The following ADAMTS2 variants were observed in gnomAD, a reference collection of about 807,000 sequenced individuals.
The protein encoded by ADAMTS2 is A disintegrin and metalloproteinase with thrombospondin motifs 2.
A neutral mutation model predicts 123.0 loss-of-function variants in ADAMTS2; 50 were observed. The observed-to-expected ratio is 0.41, with a 90% CI of 0.32 to 0.51. The LOEUF is 0.51. ADAMTS2 is among the 20% of genes least tolerant of loss of function. ADAMTS2 has a pLI of 0.35. For synonymous variants in ADAMTS2, 678 were observed against 695.4 expected, an observed-to-expected ratio of 0.98 and a Z score of 0.39; for missense variants, 1,494 against 1,705.2, an observed-to-expected ratio of 0.88 and a Z score of 2.18.
intron 4 of ADAMTS2, among the ~76,000 whole-genome samples, chr5:179,192,771 C>T (rs1361245766): frequency 2.6e-5 from 4 of 152,230 alleles, no homozygotes; most frequent in Non-Finnish European, 5.9e-5. Context: ...GCACCCTATG[C>T]TGCCTCGGGT....
At chr5:179,184,921 A>G (rs1448366289) in intron 4 of ADAMTS2, among the ~76,000 whole-genome samples, 1 of 152,210 alleles carries the variant, frequency 6.6e-6, no homozygotes, top group Non-Finnish European at 1.5e-5. Context: ...CAGAGGATAT[A>G]TTAGTGGGAA....
intron 2 of ADAMTS2, among the ~76,000 whole-genome samples, chr5:179,329,264 T>C (rs1053834993): frequency 1.3e-5 from 2 of 151,246 alleles, no homozygotes; most frequent in Non-Finnish European, 2.9e-5. Flanking sequence ...GAGGCAGAGC[T>C]TGCAGTGAGC....
chr5:179,311,349 G>A lies in ADAMTS2; in HGVS notation c.534+32418C>T, dbSNP rs12332324. Among the ~76,000 whole-genome samples the A allele has an allele frequency of 9.0e-3, 1,369 of 152,286 alleles. 27 individuals are homozygous for A. The highest frequency in any genetic ancestry group is 0.031 in the African/African-American group (1,303 of 41,554). Reference sequence around the variant, plus strand: ...TCTCTCTAGCCCATGGGCAGGCGCCGCCTGGCTCAGAGGCACAGCAATGGG... The same window carrying A: ...TCTCTCTAGCCCATGGGCAGGCGCCACCTGGCTCAGAGGCACAGCAATGGG... On this transcript the variant is annotated intron_variant, in intron 2 of 21. Transcript: ENST00000251582.
chr5:179,315,344 C>T (rs890734588), intron 2 of ADAMTS2, among the ~76,000 whole-genome samples: 5 of 48,604 alleles, frequency 1.0e-4, no homozygotes, highest in Admixed American at 3.0e-4. Flanking sequence ...AAGGTCATGT[C>T]GGGATCCCAG....
intron 3 of ADAMTS2, among the ~76,000 whole-genome samples, chr5:179,223,493 C>T (rs1277374308): frequency 6.6e-6 from 1 of 151,354 alleles, no homozygotes; most frequent in Non-Finnish European, 1.5e-5. Flanking sequence ...TGGACTCACA[C>T]TCACATGCAC....
rs17079197 is a variant in ADAMTS2 at position 179,197,960 on chromosome 5, C to T, written c.891+9553G>A. On this transcript the variant is annotated intron_variant, in intron 4 of 21. Coordinates refer to ENST00000251582, the MANE Select transcript of ADAMTS2 (RefSeq NM_014244.5). The surrounding 1 kb of genome is among the most constrained non-coding windows in gnomAD (Gnocchi z 4.2). ...ACAGCATCTGGTTTGTGAGCAGAGA[C>T]TAGCCCAGGCGCTGGCAGAGCAAGT... 0.015 allele frequency among the ~76,000 whole-genome samples: 2,216 copies of T among 152,330 alleles called. 35 individuals are homozygous for T. Among genetic ancestry groups the T allele is most frequent in the Middle Eastern group, 0.048 (14 of 294 alleles).
chr5:179,323,255 C>T (rs420843), intron 2 of ADAMTS2, among the ~76,000 whole-genome samples: 28,703 of 152,186 alleles, frequency 0.19, 2,844 homozygotes, highest in Middle Eastern at 0.25. Flanking sequence ...TAAATAGCTG[C>T]GAAGGGAAAT....
At chr5:179,134,508 C>T (rs1481732302) in intron 13 of ADAMTS2, among the ~76,000 whole-genome samples, 4 of 152,222 alleles carry the variant, frequency 2.6e-5, no homozygotes, top group African/African-American at 9.6e-5. Flanking sequence ...CTTCCACTGC[C>T]CTGCCTTCCT....
At position 179,189,878 on chromosome 5, in the gene ADAMTS2, T is replaced by C. The variant is rs1764265590; in HGVS notation, c.892-8723A>G. 6.6e-6 allele frequency among the ~76,000 whole-genome samples: 1 copy of C among 150,594 alleles called. No individual in the cohort carries two copies. The highest frequency in any genetic ancestry group is 6.6e-5 in the Admixed American group (1 of 15,108). ...GGTGGGGAGGGTGTATCATACAAAGTAGATTCACAAGGGCGGGTCCGGCGG... is the reference window on the plus strand; with the variant it reads ...GGTGGGGAGGGTGTATCATACAAAGCAGATTCACAAGGGCGGGTCCGGCGG... On this transcript the variant is annotated intron_variant, in intron 4 of 21. Coordinates refer to ENST00000251582, the MANE Select transcript of ADAMTS2 (RefSeq NM_014244.5). The surrounding 1 kb of genome is among the most constrained non-coding windows in gnomAD (Gnocchi z 4.2).
chr5:179,290,925 A>G (rs1259998635), intron 2 of ADAMTS2, among the ~76,000 whole-genome samples: 1 of 152,202 alleles, frequency 6.6e-6, no homozygotes, highest in Non-Finnish European at 1.5e-5. Context: ...CAGAGGGCCT[A>G]TGCCTGAGCC....
At position 179,134,980 on chromosome 5, in the gene ADAMTS2, G is replaced by A. The variant is rs533946611; in HGVS notation, c.2085+929C>T. Among the ~76,000 whole-genome samples the A allele has an allele frequency of 5.6e-5, 4 of 71,444 alleles. 1 individual carries two copies. The highest frequency in any genetic ancestry group is 8.4e-4 in the East Asian group (2 of 2,374). 46.9% of individuals were successfully genotyped at this position (71,444 alleles called of 152,430 possible). On this transcript the variant is annotated intron_variant, in intron 13 of 21. Coordinates refer to ENST00000251582, the MANE Select transcript of ADAMTS2 (RefSeq NM_014244.5). The stretch of plus-strand genomic sequence containing the variant: ...GCTCCCGGCTCCAGCCCCCAGCTCC[G>A]GGCCTCTAGCCCCCAGCTCCCGGCT...
chr5:179,206,310 G>A (rs1764692671), intron 4 of ADAMTS2, among the ~76,000 whole-genome samples: 4 of 152,214 alleles, frequency 2.6e-5, no homozygotes, highest in South Asian at 2.1e-4. Flanking sequence ...CTTTTCACCA[G>A]GGCCCTGGGG....
At chr5:179,199,332 G>A (rs1033442347) in intron 4 of ADAMTS2, among the ~76,000 whole-genome samples, 10 of 152,148 alleles carry the variant, frequency 6.6e-5, no homozygotes, top group Non-Finnish European at 1.5e-4. Context: ...TATTCCCCAC[G>A]GCATCTCAGG....
Position 179,307,961 on chromosome 5 carries a change from T to C in ADAMTS2, c.535-34897A>G, listed in dbSNP as rs1756725093. On this transcript the variant is annotated intron_variant, in intron 2 of 21. Transcript: ENST00000251582. This position sits in a 1 kb window ranked among gnomAD's most constrained non-coding sequence, Gnocchi z 5.6. ...GACCAGGGATCTTACGAGAGCAAAG[T>C]TGTCCTTGCTGGGTCCACGTCACCA... Among the ~76,000 whole-genome samples the C allele has an allele frequency of 6.6e-6, 1 of 152,194 alleles. No individual in the cohort carries two copies. Among genetic ancestry groups the C allele is most frequent in the Admixed American group, 6.5e-5 (1 of 15,278 alleles).
In ADAMTS2 at chr5:179,180,722, G is replaced by A. The variant is rs1393658932; in HGVS notation, c.975+350C>T. Among the ~76,000 whole-genome samples the A allele has an allele frequency of 1.3e-5, 2 of 152,052 alleles. No individual in the cohort carries two copies. The highest frequency in any genetic ancestry group is 1.5e-5 in the Non-Finnish European group (1 of 68,028). On this transcript the variant is annotated intron_variant, in intron 5 of 21. Transcript: ENST00000251582. The surrounding 1 kb of genome is among the most constrained non-coding windows in gnomAD (Gnocchi z 4.6). ...TAAGCCAGCTCACCCTGTCCCCATC[G>A]GTCCTTCCTGCAGAAACAACATGGA...
chr5:179,114,421 GC>G, intron 21 of ADAMTS2, 97 bp from the exon 22 acceptor site: 1 of 1,258,366 alleles, frequency 7.9e-7, no homozygotes, highest in Non-Finnish European at 1.1e-6. Context: ...ATATGGAAGA[GC>G]CCAGAGACAG....
chr5:179,340,980 C>T lies in ADAMTS2; in HGVS notation c.534+2787G>A, dbSNP rs551915035. On this transcript the variant is annotated intron_variant, in intron 2 of 21. Coordinates refer to ENST00000251582, the MANE Select transcript of ADAMTS2 (RefSeq NM_014244.5). ...ATGCCTTGTGCAAAGGGACATTTTGCTGTGGATACTATGAATAACCCCTCG... is the reference window on the plus strand; with the variant it reads ...ATGCCTTGTGCAAAGGGACATTTTGTTGTGGATACTATGAATAACCCCTCG... Among the ~76,000 whole-genome samples the T allele has an allele frequency of 5.9e-5, 9 of 152,328 alleles. No individual in the cohort carries two copies. In the East Asian group the frequency reaches 1.7e-3, roughly 29 times the overall value.
At chr5:179,195,620 C>A (rs6878246) in intron 4 of ADAMTS2, among the ~76,000 whole-genome samples, 2,127 of 152,368 alleles carry the variant, frequency 0.014, 60 homozygotes, top group African/African-American at 0.049. Flanking sequence ...TCTCCGGTCG[C>A]CCGAGTCCCC....
intron 2 of ADAMTS2, among the ~76,000 whole-genome samples, chr5:179,340,536 T>C (rs897040751): frequency 3.9e-5 from 6 of 152,208 alleles, no homozygotes; most frequent in African/African-American, 1.4e-4. Context: ...AAAATTCTTT[T>C]TGTAGGCATG....
Sources: gnomAD v4.1 joint callset for allele counts (sites outside exome capture counted in the v4.1 genomes callset) on GRCh38, gnomAD v4.1.1 for gene constraint, Gnocchi (gnomAD v3.1) non-coding constraint, MANE v1.5 for transcripts, NCBI Gene and HGNC (gene_info 2026-07-23, HGNC 2026-07-21) for gene names.